PACS1: variants seen among roughly 807,000 people sequenced by gnomAD.
The protein encoded by PACS1 is PACS-1.
PACS1 carries 24 observed loss-of-function variants against 115.0 expected under a neutral mutation model. That is an observed-to-expected ratio of 0.21 (90% CI 0.15 to 0.29). The LOEUF is 0.29. Among genes scored for constraint, PACS1 ranks in the 10% least tolerant of loss-of-function variants. The pLI is 1.00. For missense variants in PACS1, 838 were observed against 1,251.2 expected, an observed-to-expected ratio of 0.67 and a Z score of 4.98; for synonymous variants, 453 against 504.5, an observed-to-expected ratio of 0.90 and a Z score of 1.37.
At chr11:66,143,795 A>G (rs982814899) in intron 1 of PACS1, among the ~76,000 whole-genome samples, 2 of 151,942 alleles carry the variant, frequency 1.3e-5, no homozygotes, top group Non-Finnish European at 2.9e-5. Flanking sequence ...TCACACCACC[A>G]TGCCTGGCTA....
chr11:66,206,327 A>G (rs1227521489), intron 2 of PACS1, among the ~76,000 whole-genome samples: 1 of 152,186 alleles, frequency 6.6e-6, no homozygotes, highest in African/African-American at 2.4e-5. Context: ...AATAATTTTG[A>G]AATTGGACCC....
chr11:66,184,943 A>G (rs1467865201), intron 1 of PACS1, among the ~76,000 whole-genome samples: 1 of 152,176 alleles, frequency 6.6e-6, no homozygotes, highest in Non-Finnish European at 1.5e-5. Context: ...GTTCTCTGCA[A>G]GGGCTCACGA....
At chr11:66,130,916 A>C (rs1165580697) in intron 1 of PACS1, among the ~76,000 whole-genome samples, 2 of 151,770 alleles carry the variant, frequency 1.3e-5, no homozygotes, top group Middle Eastern at 3.2e-3. Context: ...GCCAGAAATT[A>C]AAAACTTAGT....
intron 1 of PACS1, among the ~76,000 whole-genome samples, chr11:66,128,962 G>T (rs1858640937): frequency 6.6e-6 from 1 of 152,076 alleles, no homozygotes; most frequent in African/African-American, 2.4e-5. Context: ...TAAAGGGGTG[G>T]CGTGGCTGCA....
chr11:66,215,917 T>A lies in PACS1; in HGVS notation c.661-202T>A, dbSNP rs974683583. Among the ~76,000 whole-genome samples, 41 of 140,984 alleles carry A rather than the reference T, an allele frequency of 2.9e-4. 1 individual carries two copies. The highest frequency in any genetic ancestry group is 8.3e-4 in the African/African-American group (32 of 38,360). 92.5% of individuals were successfully genotyped at this position (140,984 alleles called of 152,430 possible). On this transcript the variant is annotated intron_variant, in intron 4 of 23. Transcript: ENST00000320580. Reference sequence around the variant, plus strand: ...TCCGTCTCAAAAATAATAATAATAATAATAATAATAATAATAATAATAATA... The same window carrying A: ...TCCGTCTCAAAAATAATAATAATAAAAATAATAATAATAATAATAATAATA...
chr11:66,203,345 TC>T (rs1352495579), intron 2 of PACS1, among the ~76,000 whole-genome samples: 1 of 151,990 alleles, frequency 6.6e-6, no homozygotes, highest in Non-Finnish European at 1.5e-5. Flanking sequence ...ATGCAAGAAA[TC>T]TAAATAGACA....
At position 66,095,849 on chromosome 11, in the gene PACS1, A is replaced by G. The variant is rs759081614; in HGVS notation, c.356+25007A>G. Among the ~76,000 whole-genome samples the G allele has an allele frequency of 7.0e-4, 106 of 152,094 alleles. 1 individual carries two copies. The highest frequency in any genetic ancestry group is 2.5e-3 in the Admixed American group (38 of 15,254). The stretch of plus-strand genomic sequence containing the variant: ...CTTATTTAGAAAACAATCTTTAGGT[A>G]TTATCTGGTGAATTCCAGCTGTCGA... On this transcript the variant is annotated intron_variant, in intron 1 of 23. Coordinates refer to ENST00000320580, the MANE Select transcript of PACS1 (RefSeq NM_018026.4).
intron 1 of PACS1, among the ~76,000 whole-genome samples, chr11:66,082,289 A>G (rs995886727): frequency 6.6e-6 from 1 of 152,146 alleles, no homozygotes; most frequent in African/African-American, 2.4e-5. Flanking sequence ...CAGTGGTACA[A>G]TCATAGCTCA....
At chr11:66,111,450 T>C (rs771583673) in intron 1 of PACS1, among the ~76,000 whole-genome samples, 2 of 152,220 alleles carry the variant, frequency 1.3e-5, no homozygotes, top group Non-Finnish European at 2.9e-5. Context: ...TCCAGACTTA[T>C]GTATCCAAGT....
chr11:66,150,757 C>G (rs1396943368), intron 1 of PACS1, among the ~76,000 whole-genome samples: 6 of 152,146 alleles, frequency 3.9e-5, no homozygotes, highest in African/African-American at 1.4e-4. Context: ...ATAAACCCTC[C>G]TACAGATAAC....
intron 1 of PACS1, among the ~76,000 whole-genome samples, chr11:66,149,679 C>CGTGTGT (rs57522847): frequency 3.9e-4 from 46 of 118,422 alleles, no homozygotes; most frequent in African/African-American, 1.2e-3. Context: ...ATCTTGTGTT[C>CGTGTGT]GTGTGTGTGT....
rs185672278 is a variant in PACS1 at position 66,090,396 on chromosome 11, G to A, written c.356+19554G>A. On this transcript the variant is annotated intron_variant, in intron 1 of 23. Transcript: ENST00000320580. ...CGAGCAATCCTCCCATCTCAGCCTC[G>A]GAAGTAGCTGGGACTACAGGCCCGT... is the stretch of plus-strand genomic sequence containing the variant. 1.5e-4 allele frequency among the ~76,000 whole-genome samples: 22 copies of A among 150,442 alleles called. No individual in the cohort carries two copies. In the East Asian group the frequency reaches 4.1e-3, roughly 28 times the overall value.
chr11:66,165,851 C>T (rs539385498), intron 1 of PACS1, among the ~76,000 whole-genome samples: 4 of 152,196 alleles, frequency 2.6e-5, no homozygotes, highest in Non-Finnish European at 4.4e-5. Context: ...CAGCAAGACC[C>T]GTCAGTTCTA....
intron 4 of PACS1, among the ~76,000 whole-genome samples, chr11:66,212,293 A>G (rs1406553179): frequency 2.0e-5 from 3 of 149,252 alleles, no homozygotes. Flanking sequence ...CACCATGCCC[A>G]GCTAATTTTT....
chr11:66,180,085 G>A (rs1262857972), intron 1 of PACS1, among the ~76,000 whole-genome samples: 3 of 152,088 alleles, frequency 2.0e-5, no homozygotes, highest in Admixed American at 6.5e-5. Context: ...CAGGTGATCC[G>A]CCTGCCTCAG....
rs1043671682 is a variant in PACS1, at chr11:66,235,031, T to C, written c.2105-270T>C. On this transcript the variant is annotated intron_variant, in intron 17 of 23. Transcript: ENST00000320580. The surrounding 1 kb of genome is among the most constrained non-coding windows in gnomAD (Gnocchi z 5.6). ...GCTCCTCCAGGCCACCGGATGGGTATGTGCAAGGACAGGCAGGAGCAAGTG... is the reference window on the plus strand; with the variant it reads ...GCTCCTCCAGGCCACCGGATGGGTACGTGCAAGGACAGGCAGGAGCAAGTG... Among the ~76,000 whole-genome samples the C allele has an allele frequency of 1.3e-5, 2 of 152,046 alleles. No homozygotes were observed. Among genetic ancestry groups the C allele is most frequent in the African/African-American group, 4.8e-5 (2 of 41,358 alleles).
chr11:66,106,746 C>T (rs904135972), intron 1 of PACS1, among the ~76,000 whole-genome samples: 2 of 151,218 alleles, frequency 1.3e-5, no homozygotes, highest in African/African-American at 2.4e-5. Flanking sequence ...GATGACAAAG[C>T]GAGACCCTGT....
intron 2 of PACS1, among the ~76,000 whole-genome samples, chr11:66,194,752 T>TACTAACCAGAATATTTTATTA (rs1266273232): frequency 1.3e-5 from 2 of 152,204 alleles, no homozygotes; most frequent in Non-Finnish European, 2.9e-5. Context: ...GATAACTCCC[T>TACTAACCAGAATATTTTATTA]ACTAACCAGA....
intron 2 of PACS1, among the ~76,000 whole-genome samples, chr11:66,204,635 T>C (rs572074836): frequency 6.6e-6 from 1 of 152,056 alleles, no homozygotes; most frequent in Non-Finnish European, 1.5e-5. Context: ...AAAGAATGAG[T>C]TCCTGTCATT....
Sources: gnomAD v4.1 joint callset for allele counts (sites outside exome capture counted in the v4.1 genomes callset) on GRCh38, gnomAD v4.1.1 for gene constraint, Gnocchi (gnomAD v3.1) non-coding constraint, MANE v1.5 for transcripts, NCBI Gene and HGNC (gene_info 2026-07-23, HGNC 2026-07-21) for gene names.